Variants in CSMD3 observed in about 807,000 individuals in gnomAD.
CSMD3 encodes CUB and Sushi multiple domains 3.
A neutral mutation model predicts 435.2 loss-of-function variants in CSMD3; 177 were observed. That is an observed-to-expected ratio of 0.41 (90% CI 0.36 to 0.46). The LOEUF is 0.46. Among genes scored for constraint, CSMD3 ranks in the 20% least tolerant of loss-of-function variants. CSMD3 has a pLI of 0.34. For synonymous variants in CSMD3, 1,656 were observed against 1,520.5 expected, an observed-to-expected ratio of 1.09 and a Z score of -2.07; for missense variants, 4,265 against 4,504.6, an observed-to-expected ratio of 0.95 and a Z score of 1.52.
At chr8:112,615,484 T>A (rs2131490575) in intron 22 of CSMD3, among the ~76,000 whole-genome samples, 1 of 152,166 alleles carries the variant, frequency 6.6e-6, no homozygotes, top group African/African-American at 2.4e-5. Flanking sequence ...GATAGCACAG[T>A]AATTGGTACC....
At chr8:113,088,705 T>A (rs2131497218) in intron 5 of CSMD3, among the ~76,000 whole-genome samples, 1 of 106,608 alleles carries the variant, frequency 9.4e-6, no homozygotes, top group African/African-American at 3.7e-5. Flanking sequence ...CTCTGGGGAC[T>A]GCTGTGGGGT....
chr8:113,211,108 A>G (rs1013091802), intron 3 of CSMD3, among the ~76,000 whole-genome samples: 3 of 152,140 alleles, frequency 2.0e-5, no homozygotes, highest in Non-Finnish European at 2.9e-5. Context: ...AGTCCCTCGC[A>G]ATGACTGGAA....
At chr8:112,907,068 G>A (rs1011583886) in intron 10 of CSMD3, among the ~76,000 whole-genome samples, 1 of 151,456 alleles carries the variant, frequency 6.6e-6, no homozygotes, top group Non-Finnish European at 1.5e-5. Flanking sequence ...AAAAAGGAAG[G>A]AAGAACTTTT....
chr8:113,346,780 A>G (rs1173960933), intron 1 of CSMD3, among the ~76,000 whole-genome samples: 1 of 152,158 alleles, frequency 6.6e-6, no homozygotes, highest in Non-Finnish European at 1.5e-5. Flanking sequence ...GACCATGAAT[A>G]ATGCTTTAAT....
intron 3 of CSMD3, among the ~76,000 whole-genome samples, chr8:113,185,884 C>T (rs914427940): frequency 1.3e-5 from 2 of 152,010 alleles, no homozygotes; most frequent in Admixed American, 6.6e-5. Context: ...TCGTATCTTC[C>T]CAGGGATTCC....
intron 22 of CSMD3, among the ~76,000 whole-genome samples, chr8:112,622,451 G>T (rs1373579226): frequency 1.3e-5 from 2 of 152,092 alleles, no homozygotes; most frequent in African/African-American, 4.8e-5. Context: ...ACACCGTAAT[G>T]GATGTCCATC....
Position 112,898,490 on chromosome 8 carries a change from C to T in CSMD3, c.1633+23137G>A, listed in dbSNP as rs147034369. On this transcript the variant is annotated intron_variant, in intron 10 of 70. Transcript: ENST00000297405. ...ATTATTTTGCTTTTTAGTAAATGGA[C>T]GCTATATTTAACTTCATTTACTTCT... 1.8e-3 allele frequency among the ~76,000 whole-genome samples: 271 copies of T among 150,974 alleles called. 1 individual carries two copies. Among genetic ancestry groups the T allele is most frequent in the Middle Eastern group, 6.8e-3 (2 of 294 alleles).
intron 43 of CSMD3, 66 bp from the exon 44 acceptor site, chr8:112,336,895 G>C (rs2130960073): frequency 7.6e-7 from 1 of 1,307,676 alleles, no homozygotes; most frequent in Non-Finnish European, 1.1e-6. Flanking sequence ...TGGAGAAAAA[G>C]GCAAACATTT....
At chr8:112,898,324 T>C (rs1298650595) in intron 10 of CSMD3, among the ~76,000 whole-genome samples, 2 of 151,210 alleles carry the variant, frequency 1.3e-5, no homozygotes, top group Admixed American at 6.6e-5. Flanking sequence ...GCTGATTAGA[T>C]TGTATTTCTG....
At chr8:112,462,083 G>A (rs1315841507) in intron 32 of CSMD3, among the ~76,000 whole-genome samples, 3 of 152,166 alleles carry the variant, frequency 2.0e-5, no homozygotes, top group Non-Finnish European at 2.9e-5. Context: ...AGAGGCAAAC[G>A]ACTGCAATCC....
At chr8:112,718,709 C>T (rs932280192) in intron 13 of CSMD3, among the ~76,000 whole-genome samples, 2 of 151,788 alleles carry the variant, frequency 1.3e-5, no homozygotes, top group East Asian at 1.9e-4. Flanking sequence ...TTTTACAGTA[C>T]CCCTTATTTT....
chr8:112,258,810 C>T (rs955363871), intron 61 of CSMD3, among the ~76,000 whole-genome samples: 85 of 152,176 alleles, frequency 5.6e-4, no homozygotes, highest in African/African-American at 1.8e-3. Flanking sequence ...GAGGCCAAGG[C>T]GGGCGGATCA....
intron 2 of CSMD3, among the ~76,000 whole-genome samples, chr8:113,307,197 T>G (rs183714168): frequency 6.6e-6 from 1 of 152,248 alleles, no homozygotes; most frequent in Admixed American, 6.5e-5. Context: ...TGGAAAAAAC[T>G]TAGTTTATCA....
chr8:112,308,257 A>G (rs1821631655), intron 50 of CSMD3, among the ~76,000 whole-genome samples: 1 of 152,112 alleles, frequency 6.6e-6, no homozygotes, highest in Non-Finnish European at 1.5e-5. Context: ...TCAAGTTGTT[A>G]TATGCCATCT....
At chr8:112,621,018 C>A (rs576385859) in intron 22 of CSMD3, among the ~76,000 whole-genome samples, 5 of 152,098 alleles carry the variant, frequency 3.3e-5, no homozygotes, top group Non-Finnish European at 5.9e-5. Context: ...GGGCGGATCA[C>A]CTGAGGTTAG....
At chr8:112,339,488 T>G (rs2130978119) in intron 42 of CSMD3, among the ~76,000 whole-genome samples, 1 of 152,216 alleles carries the variant, frequency 6.6e-6, no homozygotes, top group Non-Finnish European at 1.5e-5. Flanking sequence ...GGGAGTGTAC[T>G]TTTGTTTTCA....
At chr8:112,308,117 A>C (rs980128392) in intron 50 of CSMD3, among the ~76,000 whole-genome samples, 3 of 152,136 alleles carry the variant, frequency 2.0e-5, no homozygotes, top group Admixed American at 1.3e-4. Context: ...ATACATATGC[A>C]ATCTCACATA....
At chr8:112,708,786 A>C (rs1332822117) in intron 13 of CSMD3, among the ~76,000 whole-genome samples, 1 of 151,862 alleles carries the variant, frequency 6.6e-6, no homozygotes, top group African/African-American at 2.4e-5. Flanking sequence ...ATCGAGAGCA[A>C]AAAAGGTCGG....
chr8:112,748,994 C>T (rs991647782), intron 13 of CSMD3, among the ~76,000 whole-genome samples: 2 of 152,112 alleles, frequency 1.3e-5, no homozygotes, highest in Admixed American at 6.6e-5. Context: ...ACAACCTCAC[C>T]ATCATCTTTT....
Sources: gnomAD v4.1 joint callset for allele counts (sites outside exome capture counted in the v4.1 genomes callset) on GRCh38, gnomAD v4.1.1 for gene constraint, MANE v1.5 for transcripts, NCBI Gene and HGNC (gene_info 2026-07-23, HGNC 2026-07-21) for gene names.